Variants in ST6GALNAC3 observed in about 807,000 individuals in gnomAD.
ST6GALNAC3 encodes the protein ST6 N-acetylgalactosaminide alpha-2,6-sialyltransferase 3, also known as alpha-N-acetylgalactosaminide alpha-2,6-sialyltransferase 3.
ST6GALNAC3 carries 25 observed loss-of-function variants against 32.7 expected under a neutral mutation model. The observed-to-expected ratio is 0.76, with a 90% CI of 0.56 to 1.07. The LOEUF (loss-of-function observed/expected upper bound fraction) is 1.07. Among genes scored for constraint, ST6GALNAC3 ranks in the 50% least tolerant of loss-of-function variants. The pLI, the probability that ST6GALNAC3 is intolerant of heterozygous loss-of-function variation, is 0.00. For synonymous variants in ST6GALNAC3, 129 were observed against 133.1 expected (o/e 0.97, Z 0.21); for missense variants, 355 against 382.4 (o/e 0.93, Z 0.60).
chr1:76,451,867 T>TTTGACAAA (rs1657429839), intron 3 of ST6GALNAC3, among the ~76,000 whole-genome samples: 1 of 152,164 alleles, frequency 6.6e-6, no homozygotes, highest in Admixed American at 6.5e-5. Flanking sequence ...CAGCAAACAG[T>TTTGACAAA]GACAGTTTGA....
intron 2 of ST6GALNAC3, among the ~76,000 whole-genome samples, chr1:76,317,768 T>C (rs1381696508): frequency 2.0e-5 from 3 of 152,078 alleles, no homozygotes; most frequent in East Asian, 1.9e-4. Context: ...AGTCATAGAT[T>C]TTATGAGCTG....
chr1:76,359,920 A>G (rs1430305136), intron 2 of ST6GALNAC3, among the ~76,000 whole-genome samples: 3 of 152,322 alleles, frequency 2.0e-5, no homozygotes, highest in Non-Finnish European at 2.9e-5. Flanking sequence ...TGACTCCCAA[A>G]CATACATCTT....
intron 1 of ST6GALNAC3, among the ~76,000 whole-genome samples, chr1:76,255,308 A>G (rs1201152828): frequency 2.6e-5 from 4 of 152,138 alleles, no homozygotes; most frequent in African/African-American, 9.7e-5. Context: ...CATGGCTAGC[A>G]TGAACAAATT....
chr1:76,632,637 C>G lies in ST6GALNAC3; in HGVS notation c.*3831C>G, dbSNP rs976245965. ...TAGGAACAAGAGTCTGAATTGGGGACCTGCTGACCTTCCAAGAAGTAGAAG... is the reference window on the plus strand; with the variant it reads ...TAGGAACAAGAGTCTGAATTGGGGAGCTGCTGACCTTCCAAGAAGTAGAAG... On this transcript the variant is annotated 3_prime_UTR_variant, in exon 5 of 5. Coordinates refer to ENST00000328299, the MANE Select transcript of ST6GALNAC3 (RefSeq NM_152996.4). 1.3e-5 allele frequency: 2 copies of G among 152,064 alleles called. No homozygotes were observed. The highest frequency in any genetic ancestry group is 4.8e-5 in the African/African-American group (2 of 41,406). The allele number at this position is 152,064 out of a possible 1,614,324, so 9.4% of individuals were successfully genotyped here.
chr1:76,232,662 C>T lies in ST6GALNAC3; in HGVS notation c.19-81143C>T, dbSNP rs148011613. Among the ~76,000 whole-genome samples the T allele has an allele frequency of 3.3e-3, 497 of 152,362 alleles. 5 individuals carry two copies. The highest frequency in any genetic ancestry group is 0.011 in the African/African-American group (462 of 41,576). On this transcript the variant is annotated intron_variant, in intron 1 of 4. Transcript: ENST00000328299. ...GAACTGTATCACAGCTCCCTGTCCT[C>T]CCCATCACCAAGTCCCTGCCCCTTA...
chr1:76,458,713 C>T (rs959568869), intron 3 of ST6GALNAC3, among the ~76,000 whole-genome samples: 3 of 126,910 alleles, frequency 2.4e-5, no homozygotes, highest in South Asian at 2.5e-4. Flanking sequence ...GGAAGGGGAA[C>T]ATCACACTCT....
chr1:76,569,649 C>T (rs1665748984), intron 3 of ST6GALNAC3, among the ~76,000 whole-genome samples: 1 of 152,052 alleles, frequency 6.6e-6, no homozygotes, highest in Non-Finnish European at 1.5e-5. Context: ...AATAGGACTA[C>T]AATTAAGATC....
intron 1 of ST6GALNAC3, among the ~76,000 whole-genome samples, chr1:76,133,796 C>T (rs1051843290): frequency 6.6e-6 from 1 of 152,192 alleles, no homozygotes; most frequent in Admixed American, 6.5e-5. Context: ...CAGACTTTTG[C>T]TCACTGCATC....
chr1:76,336,391 C>G (rs558882995), intron 2 of ST6GALNAC3, among the ~76,000 whole-genome samples: 2 of 152,094 alleles, frequency 1.3e-5, no homozygotes, highest in Admixed American at 1.3e-4. Context: ...AAGTGAATCC[C>G]AAGACAATGG....
chr1:76,246,172 T>C (rs1035515421), intron 1 of ST6GALNAC3, among the ~76,000 whole-genome samples: 4 of 152,248 alleles, frequency 2.6e-5, no homozygotes, highest in Admixed American at 2.0e-4. Context: ...TGCCCTTCTT[T>C]GTCTTTTTTG....
intron 3 of ST6GALNAC3, among the ~76,000 whole-genome samples, chr1:76,535,865 A>C (rs1168503695): frequency 6.6e-6 from 1 of 152,096 alleles, no homozygotes; most frequent in Admixed American, 6.6e-5. Context: ...TAAAGAAAAA[A>C]TCATTAAATG....
At chr1:76,284,730 A>G (rs994685517) in intron 1 of ST6GALNAC3, among the ~76,000 whole-genome samples, 3 of 152,124 alleles carry the variant, frequency 2.0e-5, no homozygotes, top group African/African-American at 7.2e-5. Flanking sequence ...GTACATGATC[A>G]TTAGGTTTGG....
At chr1:76,107,271 CAT>C (rs1647596388) in intron 1 of ST6GALNAC3, among the ~76,000 whole-genome samples, 2 of 150,204 alleles carry the variant, frequency 1.3e-5, no homozygotes, top group Non-Finnish European at 1.5e-5. Context: ...ATTAATCAGA[CAT>C]GTTATTCTTT....
intron 3 of ST6GALNAC3, among the ~76,000 whole-genome samples, chr1:76,612,522 G>A (rs963853928): frequency 6.6e-6 from 1 of 152,062 alleles, no homozygotes. Context: ...AAACATTCAG[G>A]ACCTGGAGCC....
At chr1:76,467,427 G>A (rs1434180548) in intron 3 of ST6GALNAC3, among the ~76,000 whole-genome samples, 1 of 151,900 alleles carries the variant, frequency 6.6e-6, no homozygotes, top group Non-Finnish European at 1.5e-5. Context: ...ATTGCATAGG[G>A]AAAAAAGAAA....
At chr1:76,127,519 ATTC>A (rs1197253971) in intron 1 of ST6GALNAC3, among the ~76,000 whole-genome samples, 7 of 152,302 alleles carry the variant, frequency 4.6e-5, no homozygotes, top group East Asian at 3.9e-4. Flanking sequence ...GACTTGTCTA[ATTC>A]TTCTATTTTA....
chr1:76,591,687 G>A (rs1259465726), intron 3 of ST6GALNAC3, among the ~76,000 whole-genome samples: 2 of 152,132 alleles, frequency 1.3e-5, no homozygotes, highest in African/African-American at 4.8e-5. Context: ...TGCCACATCA[G>A]AGTTGTGTAT....
At chr1:76,187,915 G>C (rs559078581) in intron 1 of ST6GALNAC3, among the ~76,000 whole-genome samples, 85 of 152,280 alleles carry the variant, frequency 5.6e-4, no homozygotes, top group Middle Eastern at 3.4e-3. Context: ...TTTTGATATA[G>C]AGACCTAGAC....
Position 76,544,654 on chromosome 1 carries a change from T to C in ST6GALNAC3, c.624-82798T>C, listed in dbSNP as rs551763328. ...TAGGGGAGGAAGGGGGAATCAGAGG[T>C]TCCTTTTGGGGCTTGTTAAATTTAA... On this transcript the variant is annotated intron_variant, in intron 3 of 4. Transcript: ENST00000328299. Among the ~76,000 whole-genome samples the C allele has an allele frequency of 3.3e-5, 5 of 152,176 alleles. No homozygotes were observed. In the South Asian group the frequency reaches 8.3e-4, roughly 25 times the overall value.
Sources: allele counts gnomAD v4.1 joint callset (sites outside exome capture counted in the v4.1 genomes callset), GRCh38; gene constraint gnomAD v4.1.1; transcripts MANE v1.5; gene names NCBI Gene and HGNC (gene_info 2026-07-23, HGNC 2026-07-21).